The following ARHGEF18 variants were observed in gnomAD, a reference collection of about 807,000 sequenced individuals.
ARHGEF18 encodes the protein Rho/Rac guanine nucleotide exchange factor 18.
Under a neutral mutation model 155.7 loss-of-function variants are expected in ARHGEF18, and 93 were observed. That is an observed-to-expected ratio of 0.60 (90% CI 0.50 to 0.71). ARHGEF18 has a LOEUF of 0.71. Ranked by LOEUF, ARHGEF18 falls within the 30% of genes least tolerant of loss-of-function variation. ARHGEF18 has a pLI of 0.00. For missense variants in ARHGEF18, 1,593 were observed against 1,816.1 expected, an observed-to-expected ratio of 0.88 and a Z score of 2.23; for synonymous variants, 742 against 753.1, an observed-to-expected ratio of 0.99 and a Z score of 0.24.
intron 3 of ARHGEF18, 34 bp downstream of exon 3, chr19:7,373,105 G>A: frequency 8.1e-7 from 1 of 1,234,310 alleles, no homozygotes; most frequent in Non-Finnish European, 1.0e-6. Context: ...TTCCCACAAT[G>A]CACCCCTGGG....
chr19:7,386,201 G>A (rs1022102693), intron 10 of ARHGEF18, among the ~76,000 whole-genome samples: 4 of 139,142 alleles, frequency 2.9e-5, no homozygotes, highest in East Asian at 2.1e-4. Flanking sequence ...TAACATTTTC[G>A]TTTGTTTGTA....
At chr19:7,469,426 G>T (rs115242455) in intron 27 of ARHGEF18, among the ~76,000 whole-genome samples, 1 of 152,176 alleles carries the variant, frequency 6.6e-6, no homozygotes, top group Non-Finnish European at 1.5e-5. Flanking sequence ...CCCTGGCCAC[G>T]TGGGATCAGC....
intron 1 of ARHGEF18, among the ~76,000 whole-genome samples, chr19:7,351,418 G>C (rs1969152692): frequency 6.6e-6 from 1 of 151,824 alleles, no homozygotes; most frequent in Non-Finnish European, 1.5e-5. Flanking sequence ...CCACCTCCCG[G>C]GTTCACGCCA....
At chr19:7,377,780 C>T (rs1970528377) in intron 5 of ARHGEF18, among the ~76,000 whole-genome samples, 4 of 120,062 alleles carry the variant, frequency 3.3e-5, no homozygotes, top group South Asian at 5.2e-4. Flanking sequence ...AGAGTGAAAC[C>T]GTCTCAAAAA....
intron 10 of ARHGEF18, among the ~76,000 whole-genome samples, chr19:7,407,961 C>CAAAAAAAAAAAAAAA (rs71179104): frequency 1.4e-4 from 7 of 48,824 alleles, no homozygotes; most frequent in African/African-American, 4.2e-4. Flanking sequence ...GACTCCGTCT[C>CAAAAAAAAAAAAAAA]AAAAAAAAAA....
chr19:7,430,207 T>C (rs956339673), intron 10 of ARHGEF18, among the ~76,000 whole-genome samples: 8 of 152,084 alleles, frequency 5.3e-5, no homozygotes, highest in Non-Finnish European at 1.2e-4. Flanking sequence ...TCATTTTTTA[T>C]TTTTCTTTAA....
Position 7,470,072 on chromosome 19 carries a change from G to A in ARHGEF18, c.3913+43G>A, listed in dbSNP as rs369875937. 1.1e-5 allele frequency: 18 copies of A among 1,611,178 alleles called. No homozygotes were observed. In the African/African-American group the frequency reaches 1.2e-4, roughly 11 times the overall value. On this transcript the variant is annotated intron_variant, in intron 28 of 28. Transcript: ENST00000668164. The surrounding 1 kb of genome is among the most constrained non-coding windows in gnomAD (Gnocchi z 5.9). The stretch of plus-strand genomic sequence containing the variant: ...GACATGAGCCCAGTCCCAGGGCAGC[G>A]GGGCTGCGGCACCACCCGGCGACTG...
At chr19:7,435,878 G>C (rs1288563174) in intron 10 of ARHGEF18, among the ~76,000 whole-genome samples, 1 of 152,102 alleles carries the variant, frequency 6.6e-6, no homozygotes, top group Non-Finnish European at 1.5e-5. Flanking sequence ...CTGTCACCCA[G>C]GCTGGAGTGC....
chr19:7,439,812 A>G (rs964502871), intron 10 of ARHGEF18: 2 of 1,436,168 alleles, frequency 1.4e-6, no homozygotes, highest in African/African-American at 1.4e-5. Context: ...ATCTTAGACT[A>G]TTTACAGCAA....
rs1976951094 is a variant in ARHGEF18, at chr19:7,470,314, A to G, written c.*16A>G. On this transcript the variant is annotated 3_prime_UTR_variant, in exon 29 of 29. Coordinates refer to ENST00000668164, the MANE Select transcript of ARHGEF18 (RefSeq NM_001367823.1). This position sits in a 1 kb window ranked among gnomAD's most constrained non-coding sequence, Gnocchi z 5.9. ...CTTCTTCTAAAAGGGCCGTGACTCA[A>G]GGTGCAAGGCCCCTCCCTGCCCTGC... 5.3e-6 allele frequency: 8 copies of G among 1,505,312 alleles called. No homozygotes were observed. The African/African-American group carries it at 7.1e-5, about 13-fold the overall frequency. 93.2% of individuals were successfully genotyped at this position (1,505,312 alleles called of 1,614,324 possible).
intron 10 of ARHGEF18, among the ~76,000 whole-genome samples, chr19:7,436,804 G>A (rs1160180036): frequency 6.6e-6 from 1 of 152,170 alleles, no homozygotes; most frequent in Non-Finnish European, 1.5e-5. Flanking sequence ...GCCTGTCCTG[G>A]ACCGTGTCGC....
Position 7,468,810 on chromosome 19 carries a change from C to T in ARHGEF18, c.3481-15C>T. ...AGGAACCTCACATTGGATGTATCTGCTGTTGTCCCCTCAGGCCCAGCCCCC... is the reference window on the plus strand; with the variant it reads ...AGGAACCTCACATTGGATGTATCTGTTGTTGTCCCCTCAGGCCCAGCCCCC... On this transcript the variant is annotated splice_polypyrimidine_tract_variant and intron_variant, in intron 26 of 28. Transcript: ENST00000668164. The T allele has an allele frequency of 6.5e-7, 1 of 1,529,396 alleles. No individual in the cohort carries two copies. The highest frequency in any genetic ancestry group is 1.8e-4 in the Middle Eastern group (1 of 5,452). The allele number at this position is 1,529,396 out of a possible 1,614,324, so 94.7% of individuals were successfully genotyped here.
chr19:7,467,395 G>A lies in ARHGEF18; in HGVS notation c.3191G>A (p.Arg1064Gln), dbSNP rs1485091890. The A allele has an allele frequency of 1.2e-5, 18 of 1,533,008 alleles. No homozygotes were observed. Among genetic ancestry groups the A allele is most frequent in the South Asian group, 4.8e-5 (4 of 83,920 alleles). The allele number at this position is 1,533,008 out of a possible 1,614,324, so 95.0% of individuals were successfully genotyped here. The change falls in exon 26 of 29, where the codon CGG becomes CAG. Residue 1064 changes from arginine (R) to glutamine (Q), a missense_variant. Transcript: ENST00000668164. ...CTGGAGAAGCTGCAGAGCCAGCTGC[G>A]GCACGAGCAGCAGCGCTGGGAGCGC... is the stretch of plus-strand genomic sequence containing the variant. ...AALEKLQSQL[R>Q]HEQQRWERER... is the part of the protein sequence containing the mutation.
chr19:7,434,278 T>A (rs1974134307), intron 10 of ARHGEF18, among the ~76,000 whole-genome samples: 2 of 152,134 alleles, frequency 1.3e-5, no homozygotes. Flanking sequence ...CATGAGCCAC[T>A]GTGCCTGGCC....
At chr19:7,393,352 T>G (rs1433960558) in intron 10 of ARHGEF18, among the ~76,000 whole-genome samples, 1 of 152,162 alleles carries the variant, frequency 6.6e-6, no homozygotes, top group African/African-American at 2.4e-5. Flanking sequence ...GTGCATGTTT[T>G]GAAGTGATTG....
intron 3 of ARHGEF18, 59 bp from the exon 4 acceptor site, chr19:7,375,661 G>A (rs1970429112): frequency 8.1e-7 from 1 of 1,230,958 alleles, no homozygotes; most frequent in Non-Finnish European, 1.0e-6. Flanking sequence ...TGGATGCCTG[G>A]GGCAGCAGCC....
rs781055925 is a variant in ARHGEF18, at chr19:7,378,972, C to T, written c.600-150C>T. The T allele has an allele frequency of 5.5e-5, 30 of 546,040 alleles. No individual in the cohort carries two copies. The Admixed American group carries it at 1.1e-3, about 19-fold the overall frequency. 33.8% of individuals were successfully genotyped at this position (546,040 alleles called of 1,614,324 possible). A position where few individuals can be genotyped will look rare whatever the true frequency, so the allele number is the denominator to read the frequency against. ...CCTCCCAAAGTACTGGGATTACAGG[C>T]GTGAGCCACTGTGCCCGGCTGACTG... is the stretch of plus-strand genomic sequence containing the variant. On this transcript the variant is annotated intron_variant, in intron 6 of 28. Transcript: ENST00000668164.
At chr19:7,476,813 G>A (rs960787580), downstream of ARHGEF18, 3 of 189,852 alleles carry the variant, frequency 1.6e-5, no homozygotes, top group South Asian at 1.9e-4. Flanking sequence ...CTTTGGGTCC[G>A]TCCTGTGGAG....
chr19:7,479,985 CG>C, the ARHGEF18 span, among the ~76,000 whole-genome samples: 1 of 151,972 alleles, frequency 6.6e-6, no homozygotes, highest in African/African-American at 2.4e-5. Flanking sequence ...AAGTCTGGGC[CG>C]GGAGTGGTGG....
Sources: gnomAD v4.1 joint callset for allele counts (sites outside exome capture counted in the v4.1 genomes callset) on GRCh38, gnomAD v4.1.1 for gene constraint, Gnocchi (gnomAD v3.1) non-coding constraint, MANE v1.5 for transcripts, NCBI Gene and HGNC (gene_info 2026-07-23, HGNC 2026-07-21) for gene names.